The following ENTREP1 variants were observed in gnomAD, a reference collection of about 807,000 sequenced individuals.
ENTREP1 encodes endosomal transmembrane epsin interactor 1.
chr9:69,370,526 AT>A, the ENTREP1 span, among the ~76,000 whole-genome samples: 8 of 152,220 alleles, frequency 5.3e-5, no homozygotes, highest in Non-Finnish European at 1.0e-4. Context: ...GACAGGCTGC[AT>A]CCAAATTAAC....
At chr9:69,388,269 G>C in the ENTREP1 span, 1 of 1,614,102 alleles carries the variant, frequency 6.2e-7, no homozygotes, top group African/African-American at 1.3e-5. Context: ...TGCAGACCGC[G>C]GTCTTTGATA....
At chr9:69,340,627 G>GTA in the ENTREP1 span, among the ~76,000 whole-genome samples, 1 of 121,478 alleles carries the variant, frequency 8.2e-6, no homozygotes, top group South Asian at 3.0e-4. Flanking sequence ...GTGTGTGCAT[G>GTA]TGTGTGTGCG....
chr9:69,391,490 T>A, the ENTREP1 span: 1 of 874,786 alleles, frequency 1.1e-6, no homozygotes, highest in Admixed American at 2.5e-5. Flanking sequence ...TTTTTTTTCT[T>A]TTTCAAAGCA....
the ENTREP1 span, among the ~76,000 whole-genome samples, chr9:69,356,107 T>C: frequency 6.6e-6 from 1 of 152,210 alleles, no homozygotes; most frequent in Non-Finnish European, 1.5e-5. Context: ...AAGTAGAAAC[T>C]ATATCCATTA....
chr9:69,325,193 C>G, the ENTREP1 span: 1 of 1,030,170 alleles, frequency 9.7e-7, no homozygotes. Flanking sequence ...TTCCCTCCCC[C>G]TCGGCCTCGG....
At chr9:69,324,773 G>C in the ENTREP1 span, 1 of 985,646 alleles carries the variant, frequency 1.0e-6, no homozygotes, top group Non-Finnish European at 1.2e-6. Context: ...TTTAAGGGCG[G>C]GCCCCCTTCT....
At chr9:69,374,840 T>C in the ENTREP1 span, among the ~76,000 whole-genome samples, 1 of 152,006 alleles carries the variant, frequency 6.6e-6, no homozygotes, top group Non-Finnish European at 1.5e-5. Context: ...TGATGAGAAG[T>C]GAGAATAAGT....
chr9:69,389,889 G>GT, the ENTREP1 span, among the ~76,000 whole-genome samples: 11,004 of 152,270 alleles, frequency 0.072, 455 homozygotes, highest in Non-Finnish European at 0.085. Flanking sequence ...TGAGATTGTT[G>GT]TGATAGATTT....
the ENTREP1 span, among the ~76,000 whole-genome samples, chr9:69,340,728 T>C: frequency 7.3e-6 from 1 of 137,610 alleles, no homozygotes; most frequent in Admixed American, 7.4e-5. Context: ...CATGCATGTG[T>C]GTGTGTATGT....
At chr9:69,340,913 T>C in the ENTREP1 span, among the ~76,000 whole-genome samples, 1 of 152,204 alleles carries the variant, frequency 6.6e-6, no homozygotes, top group Non-Finnish European at 1.5e-5. Flanking sequence ...ACATCATTCC[T>C]CTTTCATTCT....
At chr9:69,352,603 G>C in the ENTREP1 span, among the ~76,000 whole-genome samples, 2 of 152,214 alleles carry the variant, frequency 1.3e-5, no homozygotes, top group African/African-American at 4.8e-5. Flanking sequence ...GACACAGAGA[G>C]GTTAAGTGAT....
the ENTREP1 span, among the ~76,000 whole-genome samples, chr9:69,326,022 C>T: frequency 6.6e-6 from 1 of 152,028 alleles, no homozygotes; most frequent in Non-Finnish European, 1.5e-5. Flanking sequence ...GTGTGGGTGG[C>T]AGGAAAGTGG....
chr9:69,375,788 C>T, the ENTREP1 span: 1 of 1,613,560 alleles, frequency 6.2e-7, no homozygotes, highest in Admixed American at 1.7e-5. Context: ...TTTCAACCAG[C>T]CAAGTGCACA....
At chr9:69,363,502 G>A in the ENTREP1 span, among the ~76,000 whole-genome samples, 2 of 152,202 alleles carry the variant, frequency 1.3e-5, no homozygotes, top group African/African-American at 4.8e-5. Flanking sequence ...GTAAAGGGAC[G>A]ACTCACAAAG....
the ENTREP1 span, among the ~76,000 whole-genome samples, chr9:69,343,681 A>G: frequency 1.3e-5 from 2 of 152,218 alleles, no homozygotes; most frequent in South Asian, 2.1e-4. Context: ...TACCTTTAAT[A>G]TAAACAATTA....
chr9:69,358,958 C>T, the ENTREP1 span, among the ~76,000 whole-genome samples: 1 of 136,254 alleles, frequency 7.3e-6, no homozygotes, highest in African/African-American at 2.8e-5. Flanking sequence ...GGCTGGAGTG[C>T]AGCAGCACGA....
At chr9:69,337,005 C>CTT in the ENTREP1 span, among the ~76,000 whole-genome samples, 112 of 55,998 alleles carry the variant, frequency 2.0e-3, 8 homozygotes, top group African/African-American at 8.3e-3. Context: ...GCTGTTATTC[C>CTT]TTTTTTTTTT....
At chr9:69,325,269 CGCA>C in the ENTREP1 span, 1 of 1,009,646 alleles carries the variant, frequency 9.9e-7, no homozygotes, top group Non-Finnish European at 1.1e-6. Context: ...CTCTGCCCGC[CGCA>C]GCCGGCCGCA....
At chr9:69,362,064 A>G in the ENTREP1 span, among the ~76,000 whole-genome samples, 1 of 152,174 alleles carries the variant, frequency 6.6e-6, no homozygotes, top group Non-Finnish European at 1.5e-5. Context: ...AGGTTTTAAA[A>G]TAAAAGTGTT....
Sources: allele counts gnomAD v4.1 joint callset (sites outside exome capture counted in the v4.1 genomes callset), GRCh38; gene constraint gnomAD v4.1.1; transcripts MANE v1.5; gene names NCBI Gene and HGNC (gene_info 2026-07-23, HGNC 2026-07-21).